The following PPP4R2 variants were observed in gnomAD, a reference collection of about 807,000 sequenced individuals.
PPP4R2 encodes the protein serine/threonine-protein phosphatase 4 regulatory subunit 2.
PPP4R2 carries 13 observed loss-of-function variants against 47.2 expected under a neutral mutation model. The observed-to-expected ratio is 0.28, with a 90% confidence interval of 0.18 to 0.44. The LOEUF (loss-of-function observed/expected upper bound fraction) is 0.44. Ranked by LOEUF, PPP4R2 falls within the 20% of genes least tolerant of loss-of-function variation. The pLI, the probability that PPP4R2 is intolerant of heterozygous loss-of-function variation, is 1.00. For synonymous variants in PPP4R2, 151 were observed against 163.3 expected (o/e 0.92, Z 0.57); for missense variants, 421 against 491.2 (o/e 0.86, Z 1.35).
In PPP4R2 at chr3:73,068,095, A is replaced by T. The variant is rs1180804305; in HGVS notation, c.*2373A>T. 6.6e-6 allele frequency: 1 copy of T among 152,150 alleles called. No homozygotes were observed. The highest frequency in any genetic ancestry group is 1.5e-5 in the Non-Finnish European group (1 of 68,012). 9.4% of individuals were successfully genotyped at this position (152,150 alleles called of 1,614,324 possible). ...AGATATTGATGGCCATTTGGAAGTA[A>T]ATTTCCGCAGGTATTCATAGGTGCA... On this transcript the variant is annotated 3_prime_UTR_variant, in exon 9 of 9. Coordinates refer to ENST00000356692, the MANE Select transcript of PPP4R2 (RefSeq NM_174907.4).
chr3:73,008,890 G>T (rs1034669661), intron 2 of PPP4R2, among the ~76,000 whole-genome samples: 1 of 152,184 alleles, frequency 6.6e-6, no homozygotes, highest in Admixed American at 6.6e-5. Context: ...ATTTCATCAC[G>T]TAGTTACTAT....
chr3:73,031,715 A>G (rs1477584834), intron 2 of PPP4R2, among the ~76,000 whole-genome samples: 2 of 152,144 alleles, frequency 1.3e-5, no homozygotes, highest in Non-Finnish European at 2.9e-5. Context: ...ATATAAGCCC[A>G]AGCATCTTAC....
intron 2 of PPP4R2, among the ~76,000 whole-genome samples, chr3:73,041,837 T>C (rs73099340): frequency 0.023 from 3,555 of 152,372 alleles, 57 homozygotes; most frequent in Middle Eastern, 0.044. Flanking sequence ...ATGGATTTTC[T>C]GTCCTTAAGC....
rs1224409985 is a variant in PPP4R2 at position 73,067,742 on chromosome 3, G to T, written c.*2020G>T. 1 of 152,094 alleles carries T rather than the reference G, an allele frequency of 6.6e-6. No individual in the cohort carries two copies. The highest frequency in any genetic ancestry group is 1.5e-5 in the Non-Finnish European group (1 of 67,984). The allele number at this position is 152,094 out of a possible 1,614,324, so 9.4% of individuals were successfully genotyped here. ...ACAAATTGATTTACTTTTGTTGGTT[G>T]TAAGTTGAAGATTTAGCATTATGAC... On this transcript the variant is annotated 3_prime_UTR_variant, in exon 9 of 9. Transcript: ENST00000356692.
In PPP4R2 at chr3:73,067,186, T is replaced by C. The variant is rs890521390; in HGVS notation, c.*1464T>C. 7.2e-5 allele frequency: 11 copies of C among 152,124 alleles called. No individual in the cohort carries two copies. The highest frequency in any genetic ancestry group is 2.7e-4 in the African/African-American group (11 of 41,452). 9.4% of individuals were successfully genotyped at this position (152,124 alleles called of 1,614,324 possible). Reference sequence around the variant, plus strand: ...TCATATAAAGCAATAAATATTAATGTTATGAAATATTTGACTACATTTTTA... The same window carrying C: ...TCATATAAAGCAATAAATATTAATGCTATGAAATATTTGACTACATTTTTA... On this transcript the variant is annotated 3_prime_UTR_variant, in exon 9 of 9. Coordinates refer to ENST00000356692, the MANE Select transcript of PPP4R2 (RefSeq NM_174907.4).
At chr3:73,029,376 A>T (rs1243385381) in intron 2 of PPP4R2, among the ~76,000 whole-genome samples, 3 of 152,190 alleles carry the variant, frequency 2.0e-5, no homozygotes, top group African/African-American at 7.2e-5. Flanking sequence ...TCAGGCTAAG[A>T]GATGTTTGTG....
intron 2 of PPP4R2, among the ~76,000 whole-genome samples, chr3:73,002,158 G>A (rs1398583107): frequency 6.6e-6 from 1 of 152,190 alleles, no homozygotes; most frequent in Non-Finnish European, 1.5e-5. Flanking sequence ...TTCCATCCAT[G>A]TTGTTGCAAA....
At position 73,049,724 on chromosome 3, in the gene PPP4R2, G is replaced by A. The variant is rs561323991; in HGVS notation, c.287+2368G>A. 1.1e-4 allele frequency among the ~76,000 whole-genome samples: 16 copies of A among 150,412 alleles called. No individual in the cohort carries two copies. In the South Asian group the frequency reaches 3.3e-3, roughly 31 times the overall value. On this transcript the variant is annotated intron_variant, in intron 3 of 8. Transcript: ENST00000356692. ...ATTTTCAGTTCATTCACATTAAGTT[G>A]GGCTAGAAACAAATACATGTATTAT...
intron 2 of PPP4R2, among the ~76,000 whole-genome samples, chr3:73,042,522 A>T (rs564014607): frequency 6.6e-6 from 1 of 151,536 alleles, no homozygotes; most frequent in East Asian, 1.9e-4. Flanking sequence ...GTGCCACCAC[A>T]CCCAGCTAAT....
chr3:73,027,766 A>G (rs188877096), intron 2 of PPP4R2: 1 of 152,056 alleles, frequency 6.6e-6, no homozygotes, highest in Non-Finnish European at 1.5e-5. Flanking sequence ...GGGCAATGCA[A>G]AAATAAGAAA....
intron 5 of PPP4R2, chr3:73,063,242 C>G (rs1439617678): frequency 3.2e-6 from 1 of 311,728 alleles, no homozygotes; most frequent in Non-Finnish European, 6.2e-6. Context: ...GCATCTACCC[C>G]GTAAGATCTT....
chr3:73,058,875 C>CT (rs1156739145), intron 3 of PPP4R2, among the ~76,000 whole-genome samples, 162 bp from the exon 4 acceptor site: 2 of 117,096 alleles, frequency 1.7e-5, no homozygotes, highest in East Asian at 5.4e-4. Context: ...ATTTTATTGT[C>CT]TTTTTTTAAA....
chr3:73,031,268 G>C (rs753176787), intron 2 of PPP4R2, among the ~76,000 whole-genome samples: 11 of 152,054 alleles, frequency 7.2e-5, no homozygotes, highest in African/African-American at 2.7e-4. Flanking sequence ...GGCTGGGCGC[G>C]GTGGTTCACG....
In PPP4R2 at chr3:73,003,855, C is replaced by T. The variant is rs560779486; in HGVS notation, c.116+5697C>T. On this transcript the variant is annotated intron_variant, in intron 2 of 8. Coordinates refer to ENST00000356692, the MANE Select transcript of PPP4R2 (RefSeq NM_174907.4). ...CTGGGATTACAGGTGCATGCCACCA[C>T]GCCCGGCTACTTTTTTGTATTTTCA... Among the ~76,000 whole-genome samples, 34 of 152,086 alleles carry T rather than the reference C, an allele frequency of 2.2e-4. 1 individual carries two copies. The highest frequency in any genetic ancestry group is 7.7e-4 in the African/African-American group (32 of 41,492).
At chr3:73,031,297 T>C (rs9842310) in intron 2 of PPP4R2, among the ~76,000 whole-genome samples, 80,172 of 151,870 alleles carry the variant, frequency 0.53, 21,525 homozygotes, top group African/African-American at 0.62. Flanking sequence ...CCCGGCACTT[T>C]GGGAGGCCAA....
At chr3:73,017,150 G>C (rs1701857448) in intron 2 of PPP4R2, among the ~76,000 whole-genome samples, 1 of 152,004 alleles carries the variant, frequency 6.6e-6, no homozygotes, top group Non-Finnish European at 1.5e-5. Context: ...CAAGCTCTGG[G>C]CACAAGCTAT....
chr3:72,999,465 A>G (rs565554306), intron 2 of PPP4R2, among the ~76,000 whole-genome samples: 70 of 152,338 alleles, frequency 4.6e-4, no homozygotes, highest in Non-Finnish European at 7.2e-4. Context: ...CCTGTCAACA[A>G]TGTCAAGCCA....
At chr3:73,028,736 G>T (rs570628588) in intron 2 of PPP4R2, among the ~76,000 whole-genome samples, 2 of 152,086 alleles carry the variant, frequency 1.3e-5, no homozygotes, top group Non-Finnish European at 2.9e-5. Flanking sequence ...GAGCCACTGC[G>T]CCCGGCCAAG....
chr3:73,047,351 T>A lies in PPP4R2; in HGVS notation c.282T>A (p.Phe94Leu). 1 of 1,600,360 alleles carries A rather than the reference T, an allele frequency of 6.2e-7. No individual in the cohort carries two copies. Among genetic ancestry groups the A allele is most frequent in the South Asian group, 1.1e-5 (1 of 89,982 alleles). Residue 94 changes from phenylalanine (F) to leucine (L), a missense_variant, in exon 3 of 9, where the codon TTT becomes TTA. Transcript: ENST00000356692. ...KERILKIVTG[F>L]NGIPFTIQRL... The stretch of plus-strand genomic sequence containing the variant: ...GAATACTGAAAATTGTCACTGGATT[T>A]AATGGGTATGCACTTAATACTGTTT...
Sources: gnomAD v4.1 joint callset for allele counts (sites outside exome capture counted in the v4.1 genomes callset) on GRCh38, gnomAD v4.1.1 for gene constraint, MANE v1.5 for transcripts, NCBI Gene and HGNC (gene_info 2026-07-23, HGNC 2026-07-21) for gene names.